TPX2: variants seen among roughly 807,000 people sequenced by gnomAD.
TPX2 encodes targeting protein for Xklp2.
A neutral mutation model predicts 93.6 loss-of-function variants in TPX2; 21 were observed. That is an observed-to-expected ratio of 0.22 (90% CI 0.16 to 0.32). The LOEUF (loss-of-function observed/expected upper bound fraction) is 0.32. Ranked by LOEUF, TPX2 falls within the 10% of genes least tolerant of loss-of-function variation. TPX2 has a pLI of 1.00. For synonymous variants in TPX2, 281 were observed against 298.3 expected (o/e 0.94, Z 0.60); for missense variants, 776 against 871.1 (o/e 0.89, Z 1.37).
intron 2 of TPX2, among the ~76,000 whole-genome samples, chr20:31,754,454 G>A (rs1046528257): frequency 6.6e-6 from 1 of 152,176 alleles, no homozygotes; most frequent in Non-Finnish European, 1.5e-5. Flanking sequence ...GAACGGCTAT[G>A]TAGGTTGGGA....
intron 1 of TPX2, among the ~76,000 whole-genome samples, chr20:31,742,239 G>A (rs1296042528): frequency 1.3e-5 from 2 of 148,158 alleles, no homozygotes; most frequent in Non-Finnish European, 3.0e-5. Context: ...ACTGGCTGGC[G>A]CAATCTTGGC....
chr20:31,769,087 TGTAGTA>T (rs1444421497), intron 5 of TPX2, among the ~76,000 whole-genome samples: 1 of 152,116 alleles, frequency 6.6e-6, no homozygotes, highest in Non-Finnish European at 1.5e-5. Flanking sequence ...AAAGAATACT[TGTAGTA>T]GTGTGGTTAC....
chr20:31,766,795 CTTTTTTTTTTTT>C, intron 5 of TPX2, 113 bp downstream of exon 5: 1 of 450,564 alleles, frequency 2.2e-6, no homozygotes, highest in South Asian at 7.6e-5. Context: ...CTTTATGTTA[CTTTTTTTTTTTT>C]TTTTTTTTTG....
rs60982252 is a variant in TPX2 at position 31,750,452 on chromosome 20, CTATTTATTTATTTATT to C, written c.-70-6927_-70-6912del. On this transcript the variant is annotated intron_variant, in intron 2 of 17. Coordinates refer to ENST00000300403, the MANE Select transcript of TPX2 (RefSeq NM_012112.5). Reference sequence around the variant, plus strand: ...TACAGGTGTGAGCCACCGTGCCCGGCTATTTATTTATTTATTTATTTATTTATTTATTTATTTATTT... The same window carrying C: ...TACAGGTGTGAGCCACCGTGCCCGGCTATTTATTTATTTATTTATTTATTT... 1.4e-3 allele frequency among the ~76,000 whole-genome samples: 211 copies of C among 146,772 alleles called. 1 individual carries two copies. The highest frequency in any genetic ancestry group is 3.5e-3 in the African/African-American group (139 of 39,468).
At chr20:31,767,639 C>A (rs1426509101) in intron 5 of TPX2, among the ~76,000 whole-genome samples, 23 of 151,818 alleles carry the variant, frequency 1.5e-4, no homozygotes, top group Non-Finnish European at 1.5e-5. Context: ...GTAGCCACAA[C>A]CTCCTGGGCT....
intron 9 of TPX2, 148 bp from the exon 10 acceptor site, chr20:31,778,665 C>T (rs2062016606): frequency 3.0e-6 from 2 of 657,798 alleles, no homozygotes; most frequent in Non-Finnish European, 5.0e-6. Flanking sequence ...TAGTTATAAC[C>T]CTTGCTCAAG....
At chr20:31,760,202 AG>A in intron 4 of TPX2, 23 bp downstream of exon 4, 1 of 1,612,554 alleles carries the variant, frequency 6.2e-7, no homozygotes, top group Non-Finnish European at 8.5e-7. Context: ...CTTAGAAAAA[AG>A]CTCCTTGATA....
At chr20:31,770,192 T>C in intron 5 of TPX2, 151 bp from the exon 6 acceptor site, 1 of 420,938 alleles carries the variant, frequency 2.4e-6, no homozygotes. Context: ...TCAAAAACTA[T>C]CAACAAGAGA....
Position 31,793,977 on chromosome 20 carries a change from C to G in TPX2, c.1639C>G (p.Arg547Gly), listed in dbSNP as rs530216322. The change falls in exon 14 of 18, where the codon CGT becomes GGT. Residue 547 changes from arginine to glycine, a missense_variant. By Grantham distance (125) the Arg-to-Gly change is moderately radical. Transcript: ENST00000300403. ...PFSFDSRDKE[R>G]QLQKEKKIKE... is the part of the protein sequence containing the mutation. The stretch of plus-strand genomic sequence containing the variant: ...CTCGTTTGATTCTCGAGACAAAGAA[C>G]GTCAGTTACAGAAGGAGAAGAAAAT... 6.2e-7 allele frequency: 1 copy of G among 1,613,046 alleles called. No homozygotes were observed. The highest frequency in any genetic ancestry group is 1.3e-5 in the African/African-American group (1 of 74,776).
At chr20:31,771,797 G>A (rs2061965962) in intron 7 of TPX2, 115 bp downstream of exon 7, 2 of 1,242,238 alleles carry the variant, frequency 1.6e-6, no homozygotes, top group Non-Finnish European at 1.1e-6. Context: ...CTTTGACCAT[G>A]GTGAGGTGAA....
chr20:31,790,057 C>T (rs1159647583), intron 12 of TPX2, among the ~76,000 whole-genome samples: 1 of 152,220 alleles, frequency 6.6e-6, no homozygotes, highest in African/African-American at 2.4e-5. Flanking sequence ...CACTATTTGT[C>T]TCTCTTCCAC....
intron 2 of TPX2, among the ~76,000 whole-genome samples, chr20:31,749,927 AT>A (rs1168584068): frequency 4.0e-5 from 6 of 151,774 alleles, no homozygotes; most frequent in African/African-American, 7.3e-5. Context: ...TTTATTTTTA[AT>A]TTTTTAAATT....
chr20:31,741,442 G>C (rs568668138), intron 1 of TPX2, among the ~76,000 whole-genome samples: 1 of 151,840 alleles, frequency 6.6e-6, no homozygotes, highest in East Asian at 1.9e-4. Flanking sequence ...CTCTTGAGTA[G>C]CTGGGATTAT....
At chr20:31,772,019 C>CT (rs397866298) in intron 7 of TPX2, among the ~76,000 whole-genome samples, 17,995 of 125,210 alleles carry the variant, frequency 0.14, 1,851 homozygotes, top group African/African-American at 0.27. Context: ...GCCTGGCTAA[C>CT]TTTTTTTTTT....
rs546581215 is a variant in TPX2 at position 31,765,240 on chromosome 20, T to C, written c.230-1316T>C. ...TGGGAGGCCAAAATGAGAGGATTGA[T>C]TGAGGCCAGGAGTTTGAGACCAGCC... On this transcript the variant is annotated intron_variant, in intron 4 of 17. Coordinates refer to ENST00000300403, the MANE Select transcript of TPX2 (RefSeq NM_012112.5). Among the ~76,000 whole-genome samples the C allele has an allele frequency of 2.6e-5, 4 of 151,518 alleles. No homozygotes were observed. The East Asian group carries it at 7.7e-4, about 29-fold the overall frequency.
chr20:31,771,061 A>G (rs2061962265), intron 6 of TPX2, among the ~76,000 whole-genome samples: 5 of 152,180 alleles, frequency 3.3e-5, no homozygotes, highest in Admixed American at 3.3e-4. Flanking sequence ...GAAAAAGGGC[A>G]GCATCTATAT....
At chr20:31,760,015 C>T (rs370890238) in intron 3 of TPX2, 42 bp from the exon 4 acceptor site, 1 of 1,605,900 alleles carries the variant, frequency 6.2e-7, no homozygotes, top group Non-Finnish European at 8.5e-7. Flanking sequence ...ATTTGTTTTG[C>T]TTCCTTGCTG....
intron 2 of TPX2, among the ~76,000 whole-genome samples, chr20:31,751,869 AG>A (rs1446922413): frequency 6.6e-6 from 1 of 152,084 alleles, no homozygotes; most frequent in Non-Finnish European, 1.5e-5. Flanking sequence ...CAGCCTCCCG[AG>A]TAGCTGGGAT....
At chr20:31,772,597 T>C (rs1050008542) in intron 7 of TPX2, among the ~76,000 whole-genome samples, 3 of 152,228 alleles carry the variant, frequency 2.0e-5, no homozygotes, top group African/African-American at 7.2e-5. Flanking sequence ...CTGCTGGATT[T>C]TACCCAAGCC....
Sources: gnomAD v4.1 joint callset for allele counts (sites outside exome capture counted in the v4.1 genomes callset) on GRCh38, gnomAD v4.1.1 for gene constraint, MANE v1.5 for transcripts, NCBI Gene and HGNC (gene_info 2026-07-23, HGNC 2026-07-21) for gene names.